Variants in TENM2 observed in about 807,000 individuals in gnomAD.
TENM2 encodes the protein teneurin transmembrane protein 2.
TENM2 carries 52 observed loss-of-function variants against 245.2 expected under a neutral mutation model. The observed-to-expected ratio is 0.21, with a 90% confidence interval of 0.17 to 0.27. TENM2 has a LOEUF of 0.27. Among genes scored for constraint, TENM2 ranks in the 10% least tolerant of loss-of-function variants. The probability of loss-of-function intolerance (pLI) is 1.00; values close to 1 mark genes in which losing one functional copy is unlikely to be tolerated. For missense variants in TENM2, 3,046 were observed against 3,666.8 expected, an observed-to-expected ratio of 0.83 and a Z score of 4.37; for synonymous variants, 1,363 against 1,438.9, an observed-to-expected ratio of 0.95 and a Z score of 1.19.
the TENM2 span, among the ~76,000 whole-genome samples, chr5:167,163,682 CT>C: frequency 6.6e-6 from 1 of 152,164 alleles, no homozygotes; most frequent in Non-Finnish European, 1.5e-5. Context: ...TAACCACAGG[CT>C]CTGCTATGAT....
At chr5:167,032,303 C>T in the TENM2 span, among the ~76,000 whole-genome samples, 1 of 152,154 alleles carries the variant, frequency 6.6e-6, no homozygotes, top group Non-Finnish European at 1.5e-5. Context: ...TTAAAATTTG[C>T]ATTGAATGCT....
chr5:167,194,369 A>G, the TENM2 span, among the ~76,000 whole-genome samples: 1 of 152,016 alleles, frequency 6.6e-6, no homozygotes, highest in Non-Finnish European at 1.5e-5. Flanking sequence ...CTAGTTCTAC[A>G]TGACCCACTT....
intron 7 of TENM2, among the ~76,000 whole-genome samples, chr5:168,079,541 A>C (rs1791790641): frequency 6.6e-6 from 1 of 152,188 alleles, no homozygotes; most frequent in Non-Finnish European, 1.5e-5. Flanking sequence ...GTTTTTGCCC[A>C]TTCAGTATGA....
the TENM2 span, among the ~76,000 whole-genome samples, chr5:167,019,661 G>C: frequency 6.6e-6 from 1 of 151,736 alleles, no homozygotes; most frequent in Non-Finnish European, 1.5e-5. Context: ...GTAGAGATGG[G>C]GTCTCACCAT....
chr5:167,955,651 A>C (rs1305835782), intron 4 of TENM2, among the ~76,000 whole-genome samples: 2 of 152,132 alleles, frequency 1.3e-5, no homozygotes, highest in Non-Finnish European at 2.9e-5. Context: ...TGTATAAGGC[A>C]TAAGGAAGTG....
At chr5:167,077,026 A>G in the TENM2 span, among the ~76,000 whole-genome samples, 3 of 152,136 alleles carry the variant, frequency 2.0e-5, no homozygotes, top group East Asian at 3.9e-4. Context: ...GAGTTTCACT[A>G]TGTTGGCCAG....
At chr5:167,466,829 C>T (rs991828110) in intron 2 of TENM2, among the ~76,000 whole-genome samples, 1 of 152,096 alleles carries the variant, frequency 6.6e-6, no homozygotes, top group South Asian at 2.1e-4. Context: ...GATTTTCTCA[C>T]GTAAGCAAGG....
At chr5:167,754,949 C>T in intron 2 of TENM2, 1 of 1,451,204 alleles carries the variant, frequency 6.9e-7, no homozygotes, top group Non-Finnish European at 9.2e-7. Context: ...CTTTTCCTTC[C>T]CAGCTGGAGA....
At chr5:167,135,612 T>C in the TENM2 span, among the ~76,000 whole-genome samples, 1 of 152,028 alleles carries the variant, frequency 6.6e-6, no homozygotes, top group Admixed American at 6.6e-5. Flanking sequence ...CCGTCTCTAC[T>C]AAAAATACAA....
At chr5:167,845,450 G>A (rs1769959498) in intron 2 of TENM2, among the ~76,000 whole-genome samples, 1 of 152,118 alleles carries the variant, frequency 6.6e-6, no homozygotes, top group African/African-American at 2.4e-5. Flanking sequence ...TCAGAACAAT[G>A]CATCACTTTC....
the TENM2 span, among the ~76,000 whole-genome samples, chr5:167,268,460 A>G: frequency 6.6e-6 from 1 of 152,126 alleles, no homozygotes; most frequent in Non-Finnish European, 1.5e-5. Flanking sequence ...TACTGTCCCC[A>G]CTATGAATGC....
intron 1 of TENM2, among the ~76,000 whole-genome samples, chr5:167,339,448 T>C (rs1757967054): frequency 6.6e-6 from 1 of 152,178 alleles, no homozygotes; most frequent in Non-Finnish European, 1.5e-5. Context: ...GCTGTCTTTA[T>C]CAAATAAATG....
chr5:168,181,954 G>T (rs1437625514), intron 13 of TENM2, among the ~76,000 whole-genome samples: 1 of 152,004 alleles, frequency 6.6e-6, no homozygotes, highest in African/African-American at 2.4e-5. Flanking sequence ...TGGGATTACC[G>T]GCGTGAGCCA....
chr5:167,819,962 C>A (rs891510093), intron 2 of TENM2, among the ~76,000 whole-genome samples: 8 of 152,162 alleles, frequency 5.3e-5, no homozygotes, highest in Non-Finnish European at 1.2e-4. Flanking sequence ...CTAAATCAAT[C>A]TTCCATGAAT....
intron 12 of TENM2, among the ~76,000 whole-genome samples, chr5:168,159,457 C>G (rs1581487780): frequency 6.6e-6 from 1 of 152,230 alleles, no homozygotes; most frequent in East Asian, 1.9e-4. Flanking sequence ...ATAGCATCCT[C>G]TCCAGAGAAA....
intron 2 of TENM2, chr5:167,653,460 C>G (rs181963923): frequency 6.6e-6 from 1 of 152,268 alleles, no homozygotes; most frequent in East Asian, 1.9e-4. Context: ...TATTCTTGAA[C>G]TTGACCTTAG....
chr5:167,020,909 C>T, the TENM2 span, among the ~76,000 whole-genome samples: 31 of 152,288 alleles, frequency 2.0e-4, no homozygotes, highest in Non-Finnish European at 4.0e-4. Flanking sequence ...TTTGGGAGGC[C>T]GAGGCAGGTG....
At chr5:167,599,999 A>T (rs2127725341) in intron 2 of TENM2, among the ~76,000 whole-genome samples, 1 of 150,424 alleles carries the variant, frequency 6.6e-6, no homozygotes, top group East Asian at 2.0e-4. Flanking sequence ...CACAAAAATT[A>T]GCCAGACGTG....
chr5:167,059,252 A>G, the TENM2 span, among the ~76,000 whole-genome samples: 3 of 152,212 alleles, frequency 2.0e-5, no homozygotes, highest in Admixed American at 6.5e-5. Context: ...TAGGAGTACA[A>G]GTAGTCATTC....
Sources: allele counts gnomAD v4.1 joint callset (sites outside exome capture counted in the v4.1 genomes callset), GRCh38; gene constraint gnomAD v4.1.1; transcripts MANE v1.5; gene names NCBI Gene and HGNC (gene_info 2026-07-23, HGNC 2026-07-21).